The following RBFOX1 variants were observed in gnomAD, a reference collection of about 807,000 sequenced individuals.
The protein encoded by RBFOX1 is RNA binding fox-1 homolog 1, also known as RNA binding protein fox-1 homolog 1.
RBFOX1 carries 8 observed loss-of-function variants against 57.7 expected under a neutral mutation model. The ratio of observed to expected loss-of-function variants is 0.14; its 90% confidence interval spans 0.08 to 0.25. RBFOX1 has a LOEUF of 0.25. RBFOX1 is among the 10% of genes least tolerant of loss of function. The pLI, the probability that RBFOX1 is intolerant of heterozygous loss-of-function variation, is 1.00. For missense variants in RBFOX1, 611 were observed against 548.5 expected, an observed-to-expected ratio of 1.11 and a Z score of -1.14; for synonymous variants, 326 against 222.4, an observed-to-expected ratio of 1.47 and a Z score of -4.15.
intron 3 of RBFOX1, among the ~76,000 whole-genome samples, chr16:5,797,988 T>C (rs2054934511): frequency 6.6e-6 from 1 of 152,184 alleles, no homozygotes; most frequent in Admixed American, 6.5e-5. Context: ...ACAGTATTTG[T>C]ATGCACCTAC....
chr16:5,807,229 G>A (rs1214548153), intron 3 of RBFOX1, among the ~76,000 whole-genome samples: 3 of 152,170 alleles, frequency 2.0e-5, no homozygotes, highest in African/African-American at 7.2e-5. Flanking sequence ...TAAGATAGTT[G>A]TGGCCATCCC....
chr16:7,435,174 G>T (rs2098712210), intron 4 of RBFOX1, among the ~76,000 whole-genome samples: 1 of 151,810 alleles, frequency 6.6e-6, no homozygotes, highest in Non-Finnish European at 1.5e-5. Context: ...ACAATTAATT[G>T]CCATGTCTTC....
chr16:7,588,871 C>T (rs2094283209), intron 7 of RBFOX1, among the ~76,000 whole-genome samples: 1 of 152,074 alleles, frequency 6.6e-6, no homozygotes, highest in East Asian at 1.9e-4. Context: ...AAAGAAAACC[C>T]CAGTATTTTC....
intron 3 of RBFOX1, among the ~76,000 whole-genome samples, chr16:6,961,712 C>T (rs530091104): frequency 6.6e-6 from 1 of 152,200 alleles, no homozygotes; most frequent in South Asian, 2.1e-4. Context: ...TCCTTCCTCA[C>T]CTTTAGACCA....
intron 2 of RBFOX1, among the ~76,000 whole-genome samples, chr16:6,642,617 A>G (rs889469401): frequency 1.3e-5 from 2 of 151,494 alleles, no homozygotes; most frequent in African/African-American, 4.8e-5. Flanking sequence ...TAAGGTGAAG[A>G]AAACAAAATA....
chr16:6,431,949 CT>C (rs2094111232), intron 2 of RBFOX1, among the ~76,000 whole-genome samples: 1 of 139,718 alleles, frequency 7.2e-6, no homozygotes, highest in Non-Finnish European at 1.6e-5. Context: ...TTCTTTCTTT[CT>C]TTCTTTCTTT....
chr16:7,139,675 G>C lies in RBFOX1; in HGVS notation c.27+87577G>C, dbSNP rs539906576. On this transcript the variant is annotated intron_variant, in intron 4 of 15. Transcript: ENST00000550418. ...GTTTTTGGTAAAGAGGCAAGGGAGA[G>C]GAGAATGTTTCAAGAATGTTGGGTT... Among the ~76,000 whole-genome samples, 13 of 152,296 alleles carry C rather than the reference G, an allele frequency of 8.5e-5. No individual in the cohort carries two copies. In the East Asian group the frequency reaches 2.5e-3, roughly 29 times the overall value.
chr16:6,645,705 C>G (rs763766937), intron 2 of RBFOX1, among the ~76,000 whole-genome samples: 12 of 152,124 alleles, frequency 7.9e-5, no homozygotes, highest in South Asian at 2.1e-4. Context: ...ATGCTTCAAT[C>G]AGAACCAGGT....
intron 3 of RBFOX1, among the ~76,000 whole-genome samples, chr16:5,798,257 C>G (rs1333132822): frequency 1.3e-5 from 2 of 152,172 alleles, no homozygotes; most frequent in African/African-American, 4.8e-5. Flanking sequence ...TAGTAATATT[C>G]TAAATGAGAC....
intron 3 of RBFOX1, among the ~76,000 whole-genome samples, chr16:6,908,978 GTTC>G (rs1364382013): frequency 1.3e-5 from 2 of 152,134 alleles, no homozygotes; most frequent in Admixed American, 6.5e-5. Context: ...TGGGGGCTCC[GTTC>G]TTCTGCTTCT....
At chr16:5,878,031 A>G (rs1358762746) in intron 4 of RBFOX1, among the ~76,000 whole-genome samples, 7 of 152,228 alleles carry the variant, frequency 4.6e-5, no homozygotes, top group African/African-American at 1.7e-4. Flanking sequence ...GGGGCATTGG[A>G]GACTATATAC....
chr16:6,964,242 C>T (rs992788217), intron 3 of RBFOX1, among the ~76,000 whole-genome samples: 4 of 151,602 alleles, frequency 2.6e-5, no homozygotes, highest in Admixed American at 2.6e-4. Context: ...TGGTCTCGAA[C>T]TGCTGATCTC....
At chr16:7,102,081 C>CT (rs938222081) in intron 4 of RBFOX1, among the ~76,000 whole-genome samples, 38 of 152,156 alleles carry the variant, frequency 2.5e-4, no homozygotes, top group African/African-American at 8.4e-4. Context: ...GGTGCTTTTT[C>CT]TAACTCACAA....
intron 2 of RBFOX1, among the ~76,000 whole-genome samples, chr16:6,557,126 C>CATATACAT (rs371997926): frequency 8.0e-4 from 111 of 139,520 alleles, no homozygotes; most frequent in African/African-American, 2.7e-3. Context: ...TATATACATA[C>CATATACAT]ATATACATAT....
chr16:5,461,634 G>T (rs1249308429), intron 1 of RBFOX1, among the ~76,000 whole-genome samples: 1 of 152,144 alleles, frequency 6.6e-6, no homozygotes, highest in Non-Finnish European at 1.5e-5. Context: ...GTGGATTCAA[G>T]CCCGAGCCTT....
intron 2 of RBFOX1, among the ~76,000 whole-genome samples, chr16:5,526,449 C>T (rs140549615): frequency 6.6e-5 from 10 of 152,160 alleles, no homozygotes; most frequent in South Asian, 2.1e-4. Flanking sequence ...CCACCATGTC[C>T]GGCTAATTTT....
intron 1 of RBFOX1, among the ~76,000 whole-genome samples, chr16:6,310,182 A>G (rs2080074586): frequency 6.6e-6 from 1 of 152,186 alleles, no homozygotes; most frequent in Non-Finnish European, 1.5e-5. Context: ...CACCACACCC[A>G]GCCGCTTATT....
chr16:7,180,642 A>G (rs10500350), intron 4 of RBFOX1, among the ~76,000 whole-genome samples: 8,417 of 152,046 alleles, frequency 0.055, 299 homozygotes, highest in Middle Eastern at 0.1. Flanking sequence ...AAAGGATTGC[A>G]AAAGATTTAC....
chr16:6,072,045 G>T (rs887238746), intron 1 of RBFOX1, among the ~76,000 whole-genome samples: 2 of 152,186 alleles, frequency 1.3e-5, no homozygotes, highest in African/African-American at 4.8e-5. Context: ...AGGAAAAGAG[G>T]TTTATAGACT....
Sources: allele counts gnomAD v4.1 joint callset (sites outside exome capture counted in the v4.1 genomes callset), GRCh38; gene constraint gnomAD v4.1.1; transcripts MANE v1.5; gene names NCBI Gene and HGNC (gene_info 2026-07-23, HGNC 2026-07-21).